Variants in ZNF660 observed in about 807,000 individuals in gnomAD.
The protein encoded by ZNF660 is zinc finger protein 660.
Under a neutral mutation model 23.2 loss-of-function variants are expected in ZNF660, and 24 were observed. That is an observed-to-expected ratio of 1.04 (90% CI 0.75 to 1.46). The LOEUF is 1.46. Ranked by LOEUF, ZNF660 falls within the 40% of genes most tolerant of loss-of-function variation. The probability of loss-of-function intolerance (pLI) is 0.00; values close to 1 mark genes in which losing one functional copy is unlikely to be tolerated. For synonymous variants in ZNF660, 117 were observed against 131.4 expected (o/e 0.89, Z 0.75); for missense variants, 373 against 396.8 (o/e 0.94, Z 0.51).
At chr3:44,587,865 C>T (rs1255745741) in intron 2 of ZNF660, among the ~76,000 whole-genome samples, 2 of 152,098 alleles carry the variant, frequency 1.3e-5, no homozygotes, top group African/African-American at 4.8e-5. Flanking sequence ...ACCAGCCTGA[C>T]CAACATGGAG....
rs1351172324 is a variant in ZNF660, at chr3:44,594,997, C to T, written c.804C>T (p.His268=). 16 of 1,614,022 alleles carry T rather than the reference C, an allele frequency of 9.9e-6. No individual in the cohort carries two copies. Among genetic ancestry groups the T allele is most frequent in the South Asian group, 2.2e-5 (2 of 91,080 alleles). The change falls in exon 3 of 3, where the codon CAC becomes CAT. Residue 268 remains histidine (H), a synonymous_variant. Transcript: ENST00000322734. ...NRNLVDHQRV[H]TGEKPYKCNE... ...ACCTTGTTGATCATCAGAGAGTTCACACTGGAGAGAAACCCTATAAATGTA... is the reference window on the plus strand; with the variant it reads ...ACCTTGTTGATCATCAGAGAGTTCATACTGGAGAGAAACCCTATAAATGTA...
At chr3:44,588,487 T>C (rs1371527873) in intron 2 of ZNF660, among the ~76,000 whole-genome samples, 1 of 152,128 alleles carries the variant, frequency 6.6e-6, no homozygotes, top group African/African-American at 2.4e-5. Flanking sequence ...AATCCCTTTC[T>C]CAGTAAGCTT....
chr3:44,591,048 G>A lies in ZNF660; in HGVS notation c.-180-2966G>A, dbSNP rs142785563. Among the ~76,000 whole-genome samples, 4 of 152,310 alleles carry A rather than the reference G, an allele frequency of 2.6e-5. No homozygotes were observed. The East Asian group carries it at 7.7e-4, about 29-fold the overall frequency. On this transcript the variant is annotated intron_variant, in intron 2 of 2. Coordinates refer to ENST00000322734, the MANE Select transcript of ZNF660 (RefSeq NM_173658.4). ...AATATGTGCAGTTATCTTTTTGCCA[G>A]TCTCGAGTGCCACCATTTGCTATCT...
At position 44,594,182 on chromosome 3, in the gene ZNF660, A is replaced by G. The variant is rs759560648; in HGVS notation, c.-12A>G. The G allele has an allele frequency of 2.5e-6, 4 of 1,612,850 alleles. No individual in the cohort carries two copies. The highest frequency in any genetic ancestry group is 3.4e-6 in the Non-Finnish European group (4 of 1,179,610). ...ACTAGAGAGGACACTGGTATGTTCC[A>G]AGCAGGAGAAAATGAGGAGAAAGAC... is the stretch of plus-strand genomic sequence containing the variant. On this transcript the variant is annotated 5_prime_UTR_variant, in exon 3 of 3. Transcript: ENST00000322734.
Position 44,594,037 on chromosome 3 carries a change from G to A in ZNF660, c.-157G>A, listed in dbSNP as rs1408615809. 2 of 888,120 alleles carry A rather than the reference G, an allele frequency of 2.3e-6. No individual in the cohort carries two copies. The highest frequency in any genetic ancestry group is 4.0e-5 in the Admixed American group (2 of 50,012). 55.0% of individuals were successfully genotyped at this position (888,120 alleles called of 1,614,324 possible). ...AGATGGTGAAACTGGGACTGAGGAG[G>A]AGTTAATTCCAAAGCATCATTCCTG... On this transcript the variant is annotated 5_prime_UTR_variant, in exon 3 of 3. Transcript: ENST00000322734.
intron 1 of ZNF660, among the ~76,000 whole-genome samples, chr3:44,585,789 A>G (rs1172989824): frequency 6.6e-6 from 1 of 152,140 alleles, no homozygotes; most frequent in African/African-American, 2.4e-5. Context: ...TCTCCACTGC[A>G]TTGTATTTTG....
chr3:44,593,107 A>G (rs1257947399), intron 2 of ZNF660, among the ~76,000 whole-genome samples: 1 of 152,056 alleles, frequency 6.6e-6, no homozygotes, highest in South Asian at 2.1e-4. Context: ...GAAGTAGGCT[A>G]TGATGTGACT....
intron 2 of ZNF660, among the ~76,000 whole-genome samples, chr3:44,588,994 G>A (rs902782929): frequency 2.6e-5 from 4 of 152,140 alleles, no homozygotes; most frequent in Admixed American, 6.5e-5. Flanking sequence ...GGATGTGTGC[G>A]TTATACATCT....
At chr3:44,585,369 G>A (rs1375345318) in intron 1 of ZNF660, among the ~76,000 whole-genome samples, 1 of 152,128 alleles carries the variant, frequency 6.6e-6, no homozygotes, top group East Asian at 1.9e-4. Context: ...TATCCCTCCC[G>A]TTACCAGTGA....
Position 44,597,104 on chromosome 3 carries a change from G to C in ZNF660, c.*1915G>C, listed in dbSNP as rs1039832290. The C allele has an allele frequency of 6.6e-6, 1 of 152,228 alleles. No individual in the cohort carries two copies. The highest frequency in any genetic ancestry group is 2.4e-5 in the African/African-American group (1 of 41,456). The allele number at this position is 152,228 out of a possible 1,614,324, so 9.4% of individuals were successfully genotyped here. On this transcript the variant is annotated 3_prime_UTR_variant, in exon 3 of 3. Coordinates refer to ENST00000322734, the MANE Select transcript of ZNF660 (RefSeq NM_173658.4). This position sits in a 1 kb window ranked among gnomAD's most constrained non-coding sequence, Gnocchi z 4.1. ...TCCCTCTATTATACAAGAAAATTGA[G>C]TGTCATTGAGGTTAGGTGACTGGCT...
rs1002946213 is a variant in ZNF660, at chr3:44,599,300, A to G, written c.*4111A>G. 1.3e-5 allele frequency: 2 copies of G among 152,192 alleles called. No homozygotes were observed. Among genetic ancestry groups the G allele is most frequent in the African/African-American group, 4.8e-5 (2 of 41,432 alleles). The allele number at this position is 152,192 out of a possible 1,614,324, so 9.4% of individuals were successfully genotyped here. The stretch of plus-strand genomic sequence containing the variant: ...TTTATATAGCCTTGAGTAGAGGGCA[A>G]TACGTAAGACAAAGAATTCTGCTTA... On this transcript the variant is annotated 3_prime_UTR_variant, in exon 3 of 3. Coordinates refer to ENST00000322734, the MANE Select transcript of ZNF660 (RefSeq NM_173658.4).
At position 44,596,327 on chromosome 3, in the gene ZNF660, T is replaced by C. The variant is rs1312555105; in HGVS notation, c.*1138T>C. 1 of 152,218 alleles carries C rather than the reference T, an allele frequency of 6.6e-6. No homozygotes were observed. The highest frequency in any genetic ancestry group is 1.5e-5 in the Non-Finnish European group (1 of 68,042). 9.4% of individuals were successfully genotyped at this position (152,218 alleles called of 1,614,324 possible). On this transcript the variant is annotated 3_prime_UTR_variant, in exon 3 of 3. Transcript: ENST00000322734. Reference sequence around the variant, plus strand: ...ACAATTACCTACCTTACAAGGTTGTTGTGAGGATTAAGTGAGTAATGCATG... The same window carrying C: ...ACAATTACCTACCTTACAAGGTTGTCGTGAGGATTAAGTGAGTAATGCATG...
In ZNF660 at chr3:44,599,358, T is replaced by G. The variant is rs1700723386; in HGVS notation, c.*4169T>G. The stretch of plus-strand genomic sequence containing the variant: ...AAGTGTCGCCCTGGACTTAGAAATC[T>G]TTTTTCATAGATGGTGCGTCCTGTG... On this transcript the variant is annotated 3_prime_UTR_variant, in exon 3 of 3. Transcript: ENST00000322734. 6.6e-6 allele frequency: 1 copy of G among 152,200 alleles called. No individual in the cohort carries two copies. 9.4% of individuals were successfully genotyped at this position (152,200 alleles called of 1,614,324 possible).
chr3:44,589,277 G>T (rs1275706656), intron 2 of ZNF660, among the ~76,000 whole-genome samples: 1 of 152,154 alleles, frequency 6.6e-6, no homozygotes, highest in Admixed American at 6.5e-5. Flanking sequence ...GTAGGATAAT[G>T]CAAAATTTAT....
Position 44,594,185 on chromosome 3 carries a change from C to A in ZNF660, c.-9C>A. On this transcript the variant is annotated 5_prime_UTR_variant, in exon 3 of 3. Coordinates refer to ENST00000322734, the MANE Select transcript of ZNF660 (RefSeq NM_173658.4). ...AGAGAGGACACTGGTATGTTCCAAGCAGGAGAAAATGAGGAGAAAGACAAG... is the reference window on the plus strand; with the variant it reads ...AGAGAGGACACTGGTATGTTCCAAGAAGGAGAAAATGAGGAGAAAGACAAG... The A allele has an allele frequency of 1.2e-6, 2 of 1,612,582 alleles. No homozygotes were observed. Among genetic ancestry groups the A allele is most frequent in the Non-Finnish European group, 1.7e-6 (2 of 1,179,458 alleles).
At position 44,595,322 on chromosome 3, in the gene ZNF660, T is replaced by A; in HGVS notation, c.*133T>A. The stretch of plus-strand genomic sequence containing the variant: ...ATAATTAGAAGTAGACAAAGATTAA[T>A]GAAAGGGATGTTCATGACAGCATCA... On this transcript the variant is annotated 3_prime_UTR_variant, in exon 3 of 3. Transcript: ENST00000322734. 9.6e-7 allele frequency: 1 copy of A among 1,044,932 alleles called. No individual in the cohort carries two copies. 64.7% of individuals were successfully genotyped at this position (1,044,932 alleles called of 1,614,324 possible).
chr3:44,593,044 C>T (rs1700484341), intron 2 of ZNF660, among the ~76,000 whole-genome samples: 1 of 151,022 alleles, frequency 6.6e-6, no homozygotes. Context: ...CAGAGTGAGA[C>T]TCCGTCTCAG....
intron 2 of ZNF660, among the ~76,000 whole-genome samples, chr3:44,588,306 C>T (rs1700296422): frequency 2.0e-5 from 3 of 151,948 alleles, no homozygotes; most frequent in South Asian, 2.1e-4. Context: ...CATGATCTCA[C>T]GAGAACTCAC....
rs1448865349 is a variant in ZNF660, at chr3:44,598,302, C to G, written c.*3113C>G. On this transcript the variant is annotated 3_prime_UTR_variant, in exon 3 of 3. Coordinates refer to ENST00000322734, the MANE Select transcript of ZNF660 (RefSeq NM_173658.4). The stretch of plus-strand genomic sequence containing the variant: ...AGCTGAGATTACAGGCACCTGCCAC[C>G]ACACCCAGCTAATTTTTGTATTTTT... The G allele has an allele frequency of 6.6e-6, 1 of 151,984 alleles. No individual in the cohort carries two copies. Among genetic ancestry groups the G allele is most frequent in the Admixed American group, 6.6e-5 (1 of 15,248 alleles). The allele number at this position is 151,984 out of a possible 1,614,324, so 9.4% of individuals were successfully genotyped here.
Sources: gnomAD v4.1 joint callset for allele counts (sites outside exome capture counted in the v4.1 genomes callset) on GRCh38, gnomAD v4.1.1 for gene constraint, Gnocchi (gnomAD v3.1) non-coding constraint, MANE v1.5 for transcripts, NCBI Gene and HGNC (gene_info 2026-07-23, HGNC 2026-07-21) for gene names.